The following BIN2 variants were observed in gnomAD, a reference collection of about 807,000 sequenced individuals.
BIN2 encodes breast cancer associated protein BRAP1.
In BIN2, 43 loss-of-function variants were observed where a neutral mutation model predicts 67.9. That is an observed-to-expected ratio of 0.63 (90% CI 0.50 to 0.82). BIN2 has a LOEUF of 0.82. Ranked by LOEUF, BIN2 falls within the 40% of genes least tolerant of loss-of-function variation. The probability of loss-of-function intolerance (pLI) is 0.00; values close to 1 mark genes in which losing one functional copy is unlikely to be tolerated. For synonymous variants in BIN2, 244 were observed against 246.8 expected (o/e 0.99, Z 0.11); for missense variants, 581 against 671.6 (o/e 0.87, Z 1.49).
At chr12:51,321,481 C>A (rs868606303) in intron 1 of BIN2, among the ~76,000 whole-genome samples, 29 of 152,082 alleles carry the variant, frequency 1.9e-4, no homozygotes, top group Middle Eastern at 3.4e-3. Context: ...CTCACGGCAA[C>A]CTCCGCCTCC....
chr12:51,308,268 C>A (rs1486981470), intron 2 of BIN2, among the ~76,000 whole-genome samples: 2 of 152,188 alleles, frequency 1.3e-5, no homozygotes, highest in East Asian at 3.8e-4. Flanking sequence ...CCTTCCATTT[C>A]TTCATCTATA....
rs1416610618 is a variant in BIN2 at position 51,281,161 on chromosome 12, T to C, written c.*338A>G. 3.6e-6 allele frequency: 1 copy of C among 281,670 alleles called. No individual in the cohort carries two copies. The highest frequency in any genetic ancestry group is 6.8e-6 in the Non-Finnish European group (1 of 147,898). The allele number at this position is 281,670 out of a possible 1,614,324, so 17.4% of individuals were successfully genotyped here. Reference sequence around the variant, plus strand: ...TCCTCTGAGTGTGTGTGGTTATGTCTCTGTATAGGCAAGTGTCTGTGTCTA... The same window carrying C: ...TCCTCTGAGTGTGTGTGGTTATGTCCCTGTATAGGCAAGTGTCTGTGTCTA... On this transcript the variant is annotated 3_prime_UTR_variant, in exon 13 of 13. Coordinates refer to ENST00000615107, the MANE Select transcript of BIN2 (RefSeq NM_016293.4).
At chr12:51,288,600 C>T (rs569476174) in intron 10 of BIN2, among the ~76,000 whole-genome samples, 1 of 152,248 alleles carries the variant, frequency 6.6e-6, no homozygotes, top group South Asian at 2.1e-4. Context: ...GTTTTGTTCA[C>T]TGTCATACCC....
intron 10 of BIN2, 127 bp from the exon 11 acceptor site, chr12:51,288,315 C>A: frequency 1.5e-6 from 1 of 685,904 alleles, no homozygotes; most frequent in South Asian, 1.7e-5. Context: ...CTTGGTCAGA[C>A]ACAGGCAGTA....
chr12:51,285,370 A>G (rs931715709), intron 11 of BIN2, among the ~76,000 whole-genome samples: 1 of 152,124 alleles, frequency 6.6e-6, no homozygotes, highest in Non-Finnish European at 1.5e-5. Flanking sequence ...ACTTGAGGCC[A>G]GGAGTATCAA....
At chr12:51,295,983 C>G (rs1592260987) in intron 8 of BIN2, 105 bp from the exon 9 acceptor site, 3 of 847,152 alleles carry the variant, frequency 3.5e-6, no homozygotes, top group Non-Finnish European at 5.9e-6. Context: ...AAAACCTCCC[C>G]CTTTCAATTC....
In BIN2 at chr12:51,289,487, C is replaced by T. The variant is rs543514110; in HGVS notation, c.1516-1299G>A. 3.9e-4 allele frequency among the ~76,000 whole-genome samples: 59 copies of T among 152,036 alleles called. 1 individual carries two copies. The South Asian group carries it at 0.011, about 29-fold the overall frequency. On this transcript the variant is annotated intron_variant, in intron 10 of 12. Coordinates refer to ENST00000615107, the MANE Select transcript of BIN2 (RefSeq NM_016293.4). ...AAAATGAGGCAGGCATGGTGGCATG[C>T]GCCTGTAGTACCAGCTACGTGGGAG...
At chr12:51,299,176 G>T (rs201645310) in intron 7 of BIN2, 27 bp downstream of exon 7, 28 of 1,557,248 alleles carry the variant, frequency 1.8e-5, no homozygotes, top group Non-Finnish European at 2.5e-5. Flanking sequence ...TGAAGCAAAG[G>T]CACCTTTTCT....
intron 8 of BIN2, among the ~76,000 whole-genome samples, chr12:51,296,490 C>T (rs1276178806): frequency 6.6e-6 from 1 of 150,388 alleles, no homozygotes; most frequent in Non-Finnish European, 1.5e-5. Flanking sequence ...GAGCAAGACT[C>T]CGTCTCAAAA....
At chr12:51,286,465 T>C (rs1945239616) in intron 11 of BIN2, among the ~76,000 whole-genome samples, 1 of 152,182 alleles carries the variant, frequency 6.6e-6, no homozygotes, top group Non-Finnish European at 1.5e-5. Context: ...GGGAGGACAG[T>C]GTTACTAGCC....
Position 51,313,861 on chromosome 12 carries a change from G to T in BIN2, c.124C>A (p.Arg42=). The change falls in exon 2 of 13, where the codon CGA becomes AGA. Residue 42 remains arginine (R), a synonymous_variant. Transcript: ENST00000615107. The stretch of plus-strand genomic sequence containing the variant: ...AAGTTGCTAGCGCTTTGTTCAAATC[G>T]TTCATCTTTGGTTTCTACAGCTTTC... ...LGKAVETKDE[R]FEQSASNFYQ... The T allele has an allele frequency of 6.2e-7, 1 of 1,613,676 alleles. No homozygotes were observed. Among genetic ancestry groups the T allele is most frequent in the East Asian group, 2.2e-5 (1 of 44,864 alleles).
rs561141754 is a variant in BIN2 at position 51,298,995 on chromosome 12, C to T, written c.602+208G>A. 4.0e-5 allele frequency among the ~76,000 whole-genome samples: 6 copies of T among 150,460 alleles called. No homozygotes were observed. The East Asian group carries it at 1.2e-3, about 29-fold the overall frequency. On this transcript the variant is annotated intron_variant, in intron 7 of 12. Transcript: ENST00000615107. ...GGCTGAAGCACAACAATCACTTGAA[C>T]TAGGGAGGTGGAGGTTGCAGTGAGC...
Position 51,291,155 on chromosome 12 carries a change from G to GCAAA in BIN2, c.1515+432_1515+435dup, listed in dbSNP as rs200472697. Reference sequence around the variant, plus strand: ...CAGAGCGAGACTCCATCTCAAAAAAGCAAACAAACAAACAAACAAAAAAAA... The same window carrying GCAAA: ...CAGAGCGAGACTCCATCTCAAAAAAGCAAACAAACAAACAAACAAACAAAAAAAA... On this transcript the variant is annotated intron_variant, in intron 10 of 12. Coordinates refer to ENST00000615107, the MANE Select transcript of BIN2 (RefSeq NM_016293.4). Among the ~76,000 whole-genome samples, 802 of 151,580 alleles carry GCAAA rather than the reference G, an allele frequency of 5.3e-3. 6 individuals are homozygous for GCAAA. The highest frequency in any genetic ancestry group is 0.018 in the African/African-American group (741 of 41,358).
chr12:51,283,624 C>T (rs980921709), intron 12 of BIN2, among the ~76,000 whole-genome samples: 13 of 152,100 alleles, frequency 8.5e-5, no homozygotes, highest in Non-Finnish European at 1.2e-4. Context: ...AGCTCTGTGT[C>T]TTAGTTTTTA....
chr12:51,324,436 A>G (rs957706125), upstream of BIN2: 20 of 1,463,430 alleles, frequency 1.4e-5, no homozygotes, highest in Non-Finnish European at 1.8e-5. Context: ...GCCAGTTCCC[A>G]TCACGCTGAG....
chr12:51,288,806 G>A (rs1269596210), intron 10 of BIN2, among the ~76,000 whole-genome samples: 8 of 149,680 alleles, frequency 5.3e-5, no homozygotes, highest in Admixed American at 6.7e-5. Context: ...GGAGTGCAAC[G>A]TGGCACAATC....
chr12:51,296,297 C>G (rs921185490), intron 8 of BIN2, among the ~76,000 whole-genome samples: 7 of 152,046 alleles, frequency 4.6e-5, no homozygotes, highest in Non-Finnish European at 8.8e-5. Context: ...GAGATCGAGA[C>G]CATCCTGGCT....
At chr12:51,307,638 G>T (rs1945905809) in intron 2 of BIN2, among the ~76,000 whole-genome samples, 1 of 151,430 alleles carries the variant, frequency 6.6e-6, no homozygotes, top group Admixed American at 6.6e-5. Flanking sequence ...GAACCCGGGG[G>T]CACAGAGGTT....
intron 11 of BIN2, 99 bp from the exon 12 acceptor site, chr12:51,284,886 G>T: frequency 1.1e-6 from 1 of 882,160 alleles, no homozygotes. Flanking sequence ...AAGGGTCTCA[G>T]TATTTGTACT....
Sources: gnomAD v4.1 joint callset for allele counts (sites outside exome capture counted in the v4.1 genomes callset) on GRCh38, gnomAD v4.1.1 for gene constraint, MANE v1.5 for transcripts, NCBI Gene and HGNC (gene_info 2026-07-23, HGNC 2026-07-21) for gene names.